ANK3: variants seen among roughly 807,000 people sequenced by gnomAD.
ANK3 encodes ankyrin-3.
Under a neutral mutation model 370.9 loss-of-function variants are expected in ANK3, and 57 were observed. The observed-to-expected ratio is 0.15, with a 90% CI of 0.12 to 0.19. The LOEUF is 0.19. Ranked by LOEUF, ANK3 falls within the 10% of genes least tolerant of loss-of-function variation. The pLI, the probability that ANK3 is intolerant of heterozygous loss-of-function variation, is 1.00. For synonymous variants in ANK3, 1,929 were observed against 1,946.3 expected (o/e 0.99, Z 0.23); for missense variants, 4,439 against 5,302.1 (o/e 0.84, Z 5.06).
chr10:60,453,790 T>C (rs530391219), intron 2 of ANK3, among the ~76,000 whole-genome samples: 2 of 152,090 alleles, frequency 1.3e-5, no homozygotes, highest in East Asian at 1.9e-4. Flanking sequence ...AAATCCCCAA[T>C]TGTGATTGTT....
chr10:60,134,247 G>T (rs1361437134), intron 25 of ANK3, 24 bp downstream of exon 25: 31 of 1,573,074 alleles, frequency 2.0e-5, no homozygotes, highest in Non-Finnish European at 2.7e-5. Context: ...AATGGTCAAA[G>T]GCTATTTTGA....
chr10:60,645,268 A>T (rs1408251383), intron 1 of ANK3, among the ~76,000 whole-genome samples: 1 of 152,212 alleles, frequency 6.6e-6, no homozygotes, highest in East Asian at 1.9e-4. Flanking sequence ...TTAAAAAATT[A>T]TTGATCTTTA....
chr10:60,303,957 G>C (rs2044398952), intron 1 of ANK3, among the ~76,000 whole-genome samples: 1 of 151,886 alleles, frequency 6.6e-6, no homozygotes, highest in South Asian at 2.1e-4. Flanking sequence ...CCTGCCATTT[G>C]TGACCACATG....
At chr10:60,355,816 A>G (rs1163439390) in intron 1 of ANK3, among the ~76,000 whole-genome samples, 2 of 152,018 alleles carry the variant, frequency 1.3e-5, no homozygotes, top group East Asian at 1.9e-4. Context: ...AAAGTTCTAC[A>G]TTTCAGACAC....
At chr10:60,084,306 T>G (rs2086101351) in intron 32 of ANK3, 1 of 160,250 alleles carries the variant, frequency 6.2e-6, no homozygotes, top group African/African-American at 2.4e-5. Context: ...CTTGGGAGGC[T>G]GAGGCAGGAG....
chr10:60,264,245 G>A (rs540540860), intron 5 of ANK3, among the ~76,000 whole-genome samples: 1 of 152,086 alleles, frequency 6.6e-6, no homozygotes, highest in South Asian at 2.1e-4. Context: ...CATGGGTTTT[G>A]GTTTTCTTTT....
intron 2 of ANK3, among the ~76,000 whole-genome samples, chr10:60,427,648 T>C (rs2063918599): frequency 6.6e-6 from 1 of 152,150 alleles, no homozygotes; most frequent in Admixed American, 6.5e-5. Context: ...ATTTTGATTA[T>C]AGTTACCACG....
chr10:60,146,162 T>A (rs893152263), intron 23 of ANK3: 7 of 1,245,426 alleles, frequency 5.6e-6, no homozygotes, highest in Non-Finnish European at 7.5e-6. Flanking sequence ...TACGAAGATG[T>A]GTTTGTGTAC....
chr10:60,082,551 G>C (rs2085529609), intron 34 of ANK3, 64 bp downstream of exon 34: 1 of 1,574,710 alleles, frequency 6.4e-7, no homozygotes, highest in East Asian at 2.2e-5. Context: ...TTCCTTAATT[G>C]CATACCAAAG....
intron 1 of ANK3, among the ~76,000 whole-genome samples, chr10:60,316,753 A>T (rs1482976358): frequency 6.7e-6 from 1 of 150,266 alleles, no homozygotes; most frequent in African/African-American, 2.4e-5. Flanking sequence ...TTTTATTTTT[A>T]TTTTTTTTTA....
At chr10:60,649,112 A>C (rs1319485548) in intron 1 of ANK3, among the ~76,000 whole-genome samples, 1 of 152,140 alleles carries the variant, frequency 6.6e-6, no homozygotes, top group Non-Finnish European at 1.5e-5. Flanking sequence ...CTCTGTTCCC[A>C]AGACAGATTC....
intron 1 of ANK3, among the ~76,000 whole-genome samples, chr10:60,382,923 T>G (rs1594831289): frequency 6.6e-6 from 1 of 151,750 alleles, no homozygotes; most frequent in African/African-American, 2.4e-5. Flanking sequence ...AATCTAGATT[T>G]TGCAGTTAAA....
chr10:60,354,654 A>T (rs1426038775), intron 1 of ANK3, among the ~76,000 whole-genome samples: 1 of 152,220 alleles, frequency 6.6e-6, no homozygotes, highest in Non-Finnish European at 1.5e-5. Context: ...AACATATAAC[A>T]TAAAAATAGC....
At chr10:60,466,644 C>T (rs950644390) in intron 2 of ANK3, among the ~76,000 whole-genome samples, 5 of 151,944 alleles carry the variant, frequency 3.3e-5, no homozygotes, top group Non-Finnish European at 5.9e-5. Context: ...TTATTCATGG[C>T]GGGCAAAAAG....
At chr10:60,672,885 GC>G (rs1360001079) in intron 1 of ANK3, among the ~76,000 whole-genome samples, 2 of 152,172 alleles carry the variant, frequency 1.3e-5, no homozygotes, top group East Asian at 3.9e-4. Flanking sequence ...AGTATAGGAT[GC>G]CCAGTTGTTC....
rs183142692 is a variant in ANK3, at chr10:60,181,309, G to T, written c.2184+20C>A. The T allele has an allele frequency of 4.0e-5, 64 of 1,607,120 alleles. No homozygotes were observed. The Admixed American group carries it at 7.3e-4, about 18-fold the overall frequency. On this transcript the variant is annotated intron_variant, in intron 18 of 43. Coordinates refer to ENST00000280772, the MANE Select transcript of ANK3 (RefSeq NM_020987.5). ...CAAATGGACACATTCTTTTCCGTGT[G>T]GCAAGGGAGGGCCGTATACCTTTGT...
chr10:60,231,667 G>A (rs896084351), intron 8 of ANK3, among the ~76,000 whole-genome samples: 2 of 152,124 alleles, frequency 1.3e-5, no homozygotes, highest in African/African-American at 4.8e-5. Flanking sequence ...CATTTCAGCA[G>A]GAGAGAAGGG....
At chr10:60,032,303 T>C (rs1048187122) in intron 43 of ANK3, among the ~76,000 whole-genome samples, 7 of 141,964 alleles carry the variant, frequency 4.9e-5, no homozygotes, top group African/African-American at 1.3e-4. Flanking sequence ...GCCTCCCGGG[T>C]TCAAGCAATT....
At chr10:60,285,403 T>A (rs2098229416) in intron 1 of ANK3, among the ~76,000 whole-genome samples, 1 of 152,292 alleles carries the variant, frequency 6.6e-6, no homozygotes, top group African/African-American at 2.4e-5. Flanking sequence ...CTCTCACTAA[T>A]CAATACTGTC....
Sources: allele counts gnomAD v4.1 joint callset (sites outside exome capture counted in the v4.1 genomes callset), GRCh38; gene constraint gnomAD v4.1.1; transcripts MANE v1.5; gene names NCBI Gene and HGNC (gene_info 2026-07-23, HGNC 2026-07-21).